CSMD1: variants seen among roughly 807,000 people sequenced by gnomAD.
The protein encoded by CSMD1 is CUB and sushi domain-containing protein 1.
Under a neutral mutation model 417.5 loss-of-function variants are expected in CSMD1, and 213 were observed. The ratio of observed to expected loss-of-function variants is 0.51; its 90% CI spans 0.46 to 0.57. The LOEUF (loss-of-function observed/expected upper bound fraction) is 0.57, where lower values mean the gene tolerates loss of function less well. CSMD1 is among the 20% of genes least tolerant of loss of function. The pLI is 0.00. For synonymous variants in CSMD1, 2,862 were observed against 1,736.8 expected, an observed-to-expected ratio of 1.65 and a Z score of -16.11; for missense variants, 6,923 against 4,529.7, an observed-to-expected ratio of 1.53 and a Z score of -15.17.
At chr8:3,640,665 T>C (rs962586690) in intron 7 of CSMD1, among the ~76,000 whole-genome samples, 1 of 152,244 alleles carries the variant, frequency 6.6e-6, no homozygotes, top group Non-Finnish European at 1.5e-5. Context: ...TGATTGTCGC[T>C]ACAATGTTTG....
intron 5 of CSMD1, among the ~76,000 whole-genome samples, chr8:3,974,012 T>G (rs1813251712): frequency 6.6e-6 from 1 of 152,200 alleles, no homozygotes; most frequent in Non-Finnish European, 1.5e-5. Context: ...TTACACTCTT[T>G]AAGTTACTTT....
chr8:3,777,414 T>TG (rs1798951473), intron 5 of CSMD1, among the ~76,000 whole-genome samples: 1 of 152,126 alleles, frequency 6.6e-6, no homozygotes, highest in African/African-American at 2.4e-5. Flanking sequence ...CTCTTGCACC[T>TG]GGGGCATCCT....
rs759026100 is a variant in CSMD1, at chr8:3,634,228, T to C, written c.1010-17431A>G. ...ACAGCAGATAGTCTATGTGTTCACG[T>C]GATTAATGGTGGGGGCCTTTGGCCA... On this transcript the variant is annotated intron_variant, in intron 7 of 69. Transcript: ENST00000635120. 1.1e-4 allele frequency among the ~76,000 whole-genome samples: 16 copies of C among 152,278 alleles called. No homozygotes were observed. The East Asian group carries it at 1.2e-3, about 11-fold the overall frequency.
At chr8:4,430,414 T>C (rs551636202) in intron 2 of CSMD1, among the ~76,000 whole-genome samples, 44 of 152,292 alleles carry the variant, frequency 2.9e-4, no homozygotes, top group African/African-American at 9.9e-4. Flanking sequence ...GGTTATGACA[T>C]AGTCTACCTT....
At chr8:3,241,213 A>G (rs1179329842) in intron 26 of CSMD1, among the ~76,000 whole-genome samples, 11 of 151,326 alleles carry the variant, frequency 7.3e-5, no homozygotes, top group Non-Finnish European at 1.5e-4. Context: ...GCAGGTGGGG[A>G]TAACTAAAAA....
chr8:3,331,368 A>C (rs1329935126), intron 23 of CSMD1, among the ~76,000 whole-genome samples: 1 of 152,228 alleles, frequency 6.6e-6, no homozygotes, highest in East Asian at 1.9e-4. Flanking sequence ...ACATAATTTC[A>C]GATGTTTGCT....
At chr8:3,416,097 C>T (rs1385664268) in intron 12 of CSMD1, among the ~76,000 whole-genome samples, 1 of 151,832 alleles carries the variant, frequency 6.6e-6, no homozygotes, top group Non-Finnish European at 1.5e-5. Flanking sequence ...GTCAGGAGAT[C>T]GAGACCATCC....
At chr8:4,047,468 T>C (rs1260004662) in intron 3 of CSMD1, among the ~76,000 whole-genome samples, 1 of 152,208 alleles carries the variant, frequency 6.6e-6, no homozygotes, top group Non-Finnish European at 1.5e-5. Flanking sequence ...TCATTATAGC[T>C]AACTCAGATT....
chr8:3,817,253 T>G (rs1008216888), intron 5 of CSMD1, among the ~76,000 whole-genome samples: 1 of 9,264 alleles, frequency 1.1e-4, no homozygotes, highest in Non-Finnish European at 2.4e-4. Context: ...CTTCTTCTTC[T>G]TTTTTTTTTT....
chr8:4,976,258 C>T (rs1354190828), intron 1 of CSMD1, among the ~76,000 whole-genome samples: 1 of 152,178 alleles, frequency 6.6e-6, no homozygotes, highest in African/African-American at 2.4e-5. Context: ...TTAAGCAATA[C>T]ACCTGCGTAA....
chr8:3,867,299 G>C (rs1805170966), intron 5 of CSMD1, among the ~76,000 whole-genome samples: 2 of 152,110 alleles, frequency 1.3e-5, no homozygotes, highest in South Asian at 4.1e-4. Context: ...GGAAAACCAT[G>C]ACCAGTCTAA....
At chr8:4,765,372 C>G (rs1323157472) in intron 1 of CSMD1, among the ~76,000 whole-genome samples, 1 of 152,174 alleles carries the variant, frequency 6.6e-6, no homozygotes, top group Non-Finnish European at 1.5e-5. Flanking sequence ...AGAAGCACAT[C>G]ATCGGATTGT....
intron 37 of CSMD1, among the ~76,000 whole-genome samples, chr8:3,172,608 G>C (rs973733139): frequency 3.3e-5 from 5 of 152,198 alleles, no homozygotes; most frequent in African/African-American, 1.2e-4. Context: ...TGAGTGGAGT[G>C]TGTATAATTG....
intron 26 of CSMD1, among the ~76,000 whole-genome samples, chr8:3,264,793 G>A (rs1170886987): frequency 6.6e-6 from 1 of 152,130 alleles, no homozygotes; most frequent in South Asian, 2.1e-4. Flanking sequence ...ACCCAGGCCA[G>A]AAACAGTGCC....
intron 12 of CSMD1, among the ~76,000 whole-genome samples, chr8:3,435,022 G>A (rs1176900695): frequency 6.7e-6 from 1 of 149,220 alleles, no homozygotes; most frequent in African/African-American, 2.4e-5. Flanking sequence ...GTAGCAGACA[G>A]GACTGGGAGC....
intron 23 of CSMD1, among the ~76,000 whole-genome samples, chr8:3,311,014 C>G (rs1432310253): frequency 6.6e-6 from 1 of 152,148 alleles, no homozygotes; most frequent in African/African-American, 2.4e-5. Flanking sequence ...ACAGGCTGCT[C>G]AACTTAACAA....
intron 68 of CSMD1, among the ~76,000 whole-genome samples, chr8:2,946,198 G>A (rs1185817157): frequency 6.6e-6 from 1 of 152,160 alleles, no homozygotes; most frequent in African/African-American, 2.4e-5. Context: ...TGGTGCATAT[G>A]CGATCTTTTG....
chr8:3,363,511 G>C lies in CSMD1; in HGVS notation c.3115+3521C>G, dbSNP rs879490493. Among the ~76,000 whole-genome samples, 30 of 134,214 alleles carry C rather than the reference G, an allele frequency of 2.2e-4. 1 individual carries two copies. The Admixed American group carries it at 2.2e-3, about 10-fold the overall frequency. 88.0% of individuals were successfully genotyped at this position (134,214 alleles called of 152,430 possible). ...TTTGCCTGGTGAAAAATGTAGAAAG[G>C]CTTATTTATTTATTTATTTATTTAT... On this transcript the variant is annotated intron_variant, in intron 20 of 69. Coordinates refer to ENST00000635120, the MANE Select transcript of CSMD1 (RefSeq NM_033225.6).
At chr8:4,686,563 T>A (rs1249778391) in intron 1 of CSMD1, among the ~76,000 whole-genome samples, 1 of 152,226 alleles carries the variant, frequency 6.6e-6, no homozygotes, top group Non-Finnish European at 1.5e-5. Flanking sequence ...CCTGCTGATT[T>A]ATAAGCATTA....
Sources: allele counts gnomAD v4.1 joint callset (sites outside exome capture counted in the v4.1 genomes callset), GRCh38; gene constraint gnomAD v4.1.1; transcripts MANE v1.5; gene names NCBI Gene and HGNC (gene_info 2026-07-23, HGNC 2026-07-21).